PCDHA6: variants seen among roughly 807,000 people sequenced by gnomAD.
The protein encoded by PCDHA6 is protocadherin alpha 6.
A neutral mutation model predicts 60.3 loss-of-function variants in PCDHA6; 55 were observed. That is an observed-to-expected ratio of 0.91 (90% CI 0.73 to 1.14). The LOEUF (loss-of-function observed/expected upper bound fraction) is 1.14. Ranked by LOEUF, PCDHA6 falls within the 50% of genes most tolerant of loss-of-function variation. The probability of loss-of-function intolerance (pLI) is 0.00; values close to 1 mark genes in which losing one functional copy is unlikely to be tolerated. For missense variants in PCDHA6, 1,327 were observed against 1,256.5 expected (o/e 1.06, Z -0.85); for synonymous variants, 652 against 557.9 (o/e 1.17, Z -2.38).
At chr5:140,946,474 A>G (rs2093947876) in intron 1 of PCDHA6, among the ~76,000 whole-genome samples, 1 of 151,798 alleles carries the variant, frequency 6.6e-6, no homozygotes, top group Non-Finnish European at 1.5e-5. Context: ...ACTACTGGGT[A>G]TATATCCAAA....
intron 3 of PCDHA6, among the ~76,000 whole-genome samples, chr5:140,997,797 C>T (rs2097786104): frequency 6.6e-6 from 1 of 151,944 alleles, no homozygotes; most frequent in Non-Finnish European, 1.5e-5. Context: ...TATAATTTAT[C>T]CAATTTGCTG....
rs1378161589 is a variant in PCDHA6 at position 140,853,784 on chromosome 5, G to A, written c.2394+23299G>A. Reference sequence around the variant, plus strand: ...AGAAATTCTGAAATGGGTAGTAAGAGCAAATTTTCATTTTAAAGCACACCT... The same window carrying A: ...AGAAATTCTGAAATGGGTAGTAAGAACAAATTTTCATTTTAAAGCACACCT... On this transcript the variant is annotated intron_variant, in intron 1 of 3. Coordinates refer to ENST00000529310, the MANE Select transcript of PCDHA6 (RefSeq NM_018909.4). The A allele has an allele frequency of 6.1e-6, 6 of 987,548 alleles. 1 individual carries two copies. Among genetic ancestry groups the A allele is most frequent in the Non-Finnish European group, 7.3e-6 (6 of 819,678 alleles). The allele number at this position is 987,548 out of a possible 1,614,324, so 61.2% of individuals were successfully genotyped here.
intron 1 of PCDHA6, among the ~76,000 whole-genome samples, chr5:140,919,272 T>C (rs1287919874): frequency 6.6e-6 from 1 of 152,258 alleles, no homozygotes; most frequent in Non-Finnish European, 1.5e-5. Context: ...GTGTAGTCAC[T>C]CCAGCTATCT....
chr5:140,892,943 AC>A (rs2063750109), intron 1 of PCDHA6, among the ~76,000 whole-genome samples: 1 of 152,088 alleles, frequency 6.6e-6, no homozygotes, highest in South Asian at 2.1e-4. Flanking sequence ...TAAGCACAAT[AC>A]TACTTCCATG....
rs781808272 is a variant in PCDHA6, at chr5:140,856,411, A to G, written c.2394+25926A>G. Reference sequence around the variant, plus strand: ...TGCAGGTTTTCCATGTGGACGTGGAAGTGAAGGACATTAACGACAACCCGC... The same window carrying G: ...TGCAGGTTTTCCATGTGGACGTGGAGGTGAAGGACATTAACGACAACCCGC... On this transcript the variant is annotated intron_variant, in intron 1 of 3. Transcript: ENST00000529310. 31 of 1,598,328 alleles carry G rather than the reference A, an allele frequency of 1.9e-5. 3 individuals are homozygous for G. Among genetic ancestry groups the G allele is most frequent in the African/African-American group, 5.4e-5 (4 of 74,256 alleles).
chr5:140,991,719 A>T (rs1451245400), intron 3 of PCDHA6, among the ~76,000 whole-genome samples: 1 of 152,194 alleles, frequency 6.6e-6, no homozygotes, highest in African/African-American at 2.4e-5. Flanking sequence ...TGCTACTAGC[A>T]GCCTGTTCAA....
At chr5:140,925,131 T>A (rs986113292) in intron 1 of PCDHA6, among the ~76,000 whole-genome samples, 5 of 150,904 alleles carry the variant, frequency 3.3e-5, no homozygotes, top group East Asian at 1.9e-4. Context: ...GGAAAAAAAA[T>A]TTCAAACATA....
rs782537686 is a variant in PCDHA6, at chr5:140,967,852, C to T, written c.2395-11097C>T. 13 of 1,614,142 alleles carry T rather than the reference C, an allele frequency of 8.1e-6. No homozygotes were observed. The Middle Eastern group carries it at 1.2e-3, about 143-fold the overall frequency. On this transcript the variant is annotated intron_variant, in intron 1 of 3. Transcript: ENST00000529310. ...ACATCGTGGACGTGAATGACAATGC[C>T]CCAGAGGTGGTGCTCACGGACCTGT...
chr5:140,844,369 C>G (rs1345474134), intron 1 of PCDHA6, among the ~76,000 whole-genome samples: 1 of 149,206 alleles, frequency 6.7e-6, no homozygotes, highest in Admixed American at 6.7e-5. Context: ...GATTTGTAAT[C>G]CTTCTTTTAA....
chr5:140,913,569 A>G (rs1554195984), intron 1 of PCDHA6, among the ~76,000 whole-genome samples: 1 of 151,952 alleles, frequency 6.6e-6, no homozygotes, highest in Non-Finnish European at 1.5e-5. Flanking sequence ...TATTTTCATC[A>G]TTTCAAATAT....
chr5:140,884,491 C>G, intron 1 of PCDHA6: 1 of 1,614,052 alleles, frequency 6.2e-7, no homozygotes, highest in East Asian at 2.2e-5. Flanking sequence ...CTCTAGTGTG[C>G]TCCAGCGCGG....
At chr5:140,961,604 T>C (rs2095623962) in intron 1 of PCDHA6, among the ~76,000 whole-genome samples, 1 of 152,190 alleles carries the variant, frequency 6.6e-6, no homozygotes, top group Non-Finnish European at 1.5e-5. Context: ...TTCTAGTAAA[T>C]GAAACTAAAG....
chr5:140,961,694 G>A (rs1554225551), intron 1 of PCDHA6, among the ~76,000 whole-genome samples: 2 of 152,152 alleles, frequency 1.3e-5, no homozygotes, highest in Non-Finnish European at 2.9e-5. Flanking sequence ...GTAGTCCTTA[G>A]TATGAATGCC....
intron 1 of PCDHA6, chr5:140,884,143 G>A: frequency 6.2e-7 from 1 of 1,613,438 alleles, no homozygotes; most frequent in Non-Finnish European, 8.5e-7. Context: ...TCCGCGTGGG[G>A]CTGTACACTG....
chr5:140,903,014 A>G (rs551984849), intron 1 of PCDHA6, among the ~76,000 whole-genome samples: 1 of 152,322 alleles, frequency 6.6e-6, no homozygotes, highest in African/African-American at 2.4e-5. Context: ...TTGTGCTGCT[A>G]TCAACATGGC....
rs570399561 is a variant in PCDHA6, at chr5:140,943,988, C to T, written c.2395-34961C>T. ...GTTAAAGTAATTAAGAAAACAGAGA[C>T]AGAACTACTGAGTACCCCCCAAAAG... On this transcript the variant is annotated intron_variant, in intron 1 of 3. Transcript: ENST00000529310. 8.3e-4 allele frequency among the ~76,000 whole-genome samples: 126 copies of T among 152,216 alleles called. 3 individuals carry two copies. The Middle Eastern group carries it at 0.017, about 21-fold the overall frequency.
intron 1 of PCDHA6, among the ~76,000 whole-genome samples, chr5:140,934,224 AT>A: frequency 6.6e-6 from 1 of 152,246 alleles, no homozygotes. Context: ...TGTTTAAAAG[AT>A]TTGTACTTAA....
intron 1 of PCDHA6, among the ~76,000 whole-genome samples, chr5:140,940,295 G>A (rs1363509137): frequency 5.3e-5 from 8 of 152,110 alleles, no homozygotes; most frequent in Non-Finnish European, 1.0e-4. Flanking sequence ...TGCTTCATCA[G>A]TAATTTATTA....
At chr5:140,860,192 C>CATATATATATATATATATATAT (rs143984774) in intron 1 of PCDHA6, 4 of 146,814 alleles carry the variant, frequency 2.7e-5, no homozygotes, top group Admixed American at 6.8e-5. Context: ...GCTCTCCTTA[C>CATATATATATATATATATATAT]ATATATATCT....
Sources: allele counts gnomAD v4.1 joint callset (sites outside exome capture counted in the v4.1 genomes callset), GRCh38; gene constraint gnomAD v4.1.1; transcripts MANE v1.5; gene names NCBI Gene and HGNC (gene_info 2026-07-23, HGNC 2026-07-21).